Variants in ZNF141 observed in about 807,000 individuals in gnomAD.
ZNF141 encodes the protein zinc finger protein 141 (clone pHZ-44).
A neutral mutation model predicts 11.3 loss-of-function variants in ZNF141; 7 were observed. The ratio of observed to expected loss-of-function variants is 0.62; its 90% CI spans 0.35 to 1.16. The LOEUF (loss-of-function observed/expected upper bound fraction) is 1.16. ZNF141 is among the 50% of genes most tolerant of loss of function. The pLI is 0.02. For synonymous variants in ZNF141, 183 were observed against 190.7 expected, an observed-to-expected ratio of 0.96 and a Z score of 0.33; for missense variants, 535 against 554.0, an observed-to-expected ratio of 0.97 and a Z score of 0.34.
chr4:352,169 G>A (rs1382930034), intron 3 of ZNF141, among the ~76,000 whole-genome samples: 3 of 151,986 alleles, frequency 2.0e-5, no homozygotes, highest in Non-Finnish European at 2.9e-5. Context: ...GGGCATATCA[G>A]GAGGTCAAGA....
chr4:366,556 C>T (rs1711753272), intron 3 of ZNF141, among the ~76,000 whole-genome samples: 1 of 152,218 alleles, frequency 6.6e-6, no homozygotes, highest in South Asian at 2.1e-4. Flanking sequence ...CCCACCTTGG[C>T]CTACCAAAGT....
At chr4:352,408 G>A (rs1267948308) in intron 3 of ZNF141, among the ~76,000 whole-genome samples, 1 of 152,044 alleles carries the variant, frequency 6.6e-6, no homozygotes, top group Non-Finnish European at 1.5e-5. Context: ...GAAGGTGGGA[G>A]AGGGAGAAGG....
Position 379,722 on chromosome 4 carries a change from TA to T in ZNF141, c.*5862del, listed in dbSNP as rs1712531141. Among the ~76,000 whole-genome samples the T allele has an allele frequency of 1.3e-5, 2 of 152,222 alleles. No individual in the cohort carries two copies. Among genetic ancestry groups the T allele is most frequent in the South Asian group, 4.1e-4 (2 of 4,836 alleles). ...CAGCACAAAAACTATATATTTTTTA[TA>T]ATACTCAAGTTGTTTGACAAAGATA... is the stretch of plus-strand genomic sequence containing the variant. On this transcript the variant is annotated 3_prime_UTR_variant, in exon 4 of 4. Coordinates refer to ENST00000240499, the MANE Select transcript of ZNF141 (RefSeq NM_003441.4).
rs1368178521 is a variant in ZNF141 at position 383,162 on chromosome 4, A to G, written c.*9300A>G. 1 of 702,046 alleles carries G rather than the reference A, an allele frequency of 1.4e-6. No individual in the cohort carries two copies. Among genetic ancestry groups the G allele is most frequent in the Non-Finnish European group, 2.6e-6 (1 of 384,668 alleles). 43.5% of individuals were successfully genotyped at this position (702,046 alleles called of 1,614,324 possible). A position where few individuals can be genotyped will look rare whatever the true frequency, so the allele number is the denominator to read the frequency against. ...GGAGAATAGCATCTGAGAAAAGCCA[A>G]AGTGCCTCAGTTTACAGACAGCTCA... On this transcript the variant is annotated 3_prime_UTR_variant, in exon 4 of 4. Transcript: ENST00000240499.
At chr4:367,302 A>C (rs1032782305) in intron 3 of ZNF141, among the ~76,000 whole-genome samples, 1 of 152,092 alleles carries the variant, frequency 6.6e-6, no homozygotes. Context: ...TGTATTGTTT[A>C]TGAGTTGTTT....
chr4:358,098 T>C (rs977525007), intron 3 of ZNF141: 8 of 322,402 alleles, frequency 2.5e-5, no homozygotes, highest in South Asian at 1.4e-4. Flanking sequence ...TAGAACTGAG[T>C]CTTCTGTTAA....
chr4:368,673 C>G (rs1417482685), intron 3 of ZNF141, among the ~76,000 whole-genome samples: 2 of 152,158 alleles, frequency 1.3e-5, no homozygotes, highest in African/African-American at 4.8e-5. Flanking sequence ...GTCCAAATTA[C>G]TCTTTATATG....
Position 374,086 on chromosome 4 carries a change from T to C in ZNF141, c.*224T>C. ...AAAGCCTGTGAATGGTCCACAAACC[T>C]GAATGAGCAGAAGAAAATTATTACT... On this transcript the variant is annotated 3_prime_UTR_variant, in exon 4 of 4. Transcript: ENST00000240499. The C allele has an allele frequency of 1.8e-6, 1 of 561,382 alleles. No individual in the cohort carries two copies. 34.8% of individuals were successfully genotyped at this position (561,382 alleles called of 1,614,324 possible).
chr4:347,394 C>T (rs1553849791), intron 3 of ZNF141, among the ~76,000 whole-genome samples: 1 of 145,084 alleles, frequency 6.9e-6, no homozygotes, highest in African/African-American at 2.6e-5. Context: ...GGCTGGAGTA[C>T]AGTGGCAGGA....
intron 3 of ZNF141, among the ~76,000 whole-genome samples, chr4:346,878 T>TATACATGTATGTATATATATGTATACAC (rs1721344782): frequency 8.3e-6 from 1 of 120,244 alleles, no homozygotes; most frequent in African/African-American, 3.6e-5. Context: ...TATATATGTA[T>TATACATGTATGTATATATATGTATACAC]ACACACACAC....
Position 373,639 on chromosome 4 carries a change from G to A in ZNF141, c.1202G>A (p.Gly401Asp). 2 of 1,614,094 alleles carry A rather than the reference G, an allele frequency of 1.2e-6. No homozygotes were observed. The highest frequency in any genetic ancestry group is 1.7e-6 in the Non-Finnish European group (2 of 1,180,002). ...AAACCCTACAAATGTGAAGAATGTG[G>A]CAAAGCCTTTAGACGGTCCACAGAT... is the stretch of plus-strand genomic sequence containing the variant. ...GEKPYKCEECGKAFRRSTDRS... is the reference protein window; with the variant it reads ...GEKPYKCEECDKAFRRSTDRS... The change falls in exon 4 of 4, where the codon GGC (glycine) becomes GAC (aspartate). Residue 401 changes from glycine (G) to aspartate (D), a missense_variant. By Grantham distance (94) the Gly-to-Asp change is moderately conservative. Coordinates refer to ENST00000240499, the MANE Select transcript of ZNF141 (RefSeq NM_003441.4).
At chr4:370,000 C>T (rs774764240) in intron 3 of ZNF141, among the ~76,000 whole-genome samples, 2 of 151,398 alleles carry the variant, frequency 1.3e-5, no homozygotes, top group Non-Finnish European at 1.5e-5. Flanking sequence ...CTCCTGACCT[C>T]GTGATCCACC....
At chr4:338,745 G>T (rs782149137) in intron 1 of ZNF141, among the ~76,000 whole-genome samples, 3 of 152,246 alleles carry the variant, frequency 2.0e-5, no homozygotes, top group Non-Finnish European at 2.9e-5. Flanking sequence ...TGCGGGAAGA[G>T]CGCTGAGCTT....
intron 3 of ZNF141, among the ~76,000 whole-genome samples, chr4:371,296 A>G (rs1712047193): frequency 1.3e-5 from 2 of 150,256 alleles, no homozygotes; most frequent in South Asian, 2.1e-4. Flanking sequence ...CAATGGTGCA[A>G]TCTTGGCTCA....
In ZNF141 at chr4:380,661, A is replaced by C. The variant is rs200976235; in HGVS notation, c.*6799A>C. 3.3e-4 allele frequency among the ~76,000 whole-genome samples: 14 copies of C among 42,922 alleles called. No individual in the cohort carries two copies. Among genetic ancestry groups the C allele is most frequent in the African/African-American group, 1.6e-3 (4 of 2,530 alleles). 28.2% of individuals were successfully genotyped at this position (42,922 alleles called of 152,430 possible). ...GAGCAAAACTCCATCCCCCCTGCCC[A>C]AAAAAAAAAATTAATTTTCACAGAA... On this transcript the variant is annotated 3_prime_UTR_variant, in exon 4 of 4. Coordinates refer to ENST00000240499, the MANE Select transcript of ZNF141 (RefSeq NM_003441.4).
intron 3 of ZNF141, among the ~76,000 whole-genome samples, chr4:351,096 G>C (rs1206005508): frequency 1.3e-5 from 2 of 151,798 alleles, no homozygotes; most frequent in Non-Finnish European, 2.9e-5. Flanking sequence ...TCTCACTCTT[G>C]TCTTGCTCCT....
At chr4:355,446 TTC>T (rs1176309475) in intron 3 of ZNF141, among the ~76,000 whole-genome samples, 3 of 152,186 alleles carry the variant, frequency 2.0e-5, no homozygotes, top group African/African-American at 7.2e-5. Flanking sequence ...TTGCAGGTGA[TTC>T]TGCTGCCTGG....
intron 3 of ZNF141, chr4:358,062 T>G: frequency 7.2e-6 from 2 of 277,540 alleles, no homozygotes; most frequent in Non-Finnish European, 1.4e-5. Context: ...TGACTTACTT[T>G]TAAGTTTGCT....
At chr4:345,307 A>T (rs1721267967) in intron 3 of ZNF141, among the ~76,000 whole-genome samples, 2 of 152,218 alleles carry the variant, frequency 1.3e-5, no homozygotes, top group African/African-American at 4.8e-5. Flanking sequence ...GAAAAAAAGT[A>T]ATGTTATTTT....
Sources: gnomAD v4.1 joint callset for allele counts (sites outside exome capture counted in the v4.1 genomes callset) on GRCh38, gnomAD v4.1.1 for gene constraint, MANE v1.5 for transcripts, NCBI Gene and HGNC (gene_info 2026-07-23, HGNC 2026-07-21) for gene names.